Variants in SLC16A12 observed in about 807,000 individuals in gnomAD.
The protein encoded by SLC16A12 is solute carrier family 16 member 12.
SLC16A12 carries 17 observed loss-of-function variants against 42.4 expected under a neutral mutation model. The observed-to-expected ratio is 0.40, with a 90% CI of 0.27 to 0.60. The LOEUF (loss-of-function observed/expected upper bound fraction) is 0.60. SLC16A12 is among the 20% of genes least tolerant of loss of function. The probability of loss-of-function intolerance (pLI) is 0.42; values close to 1 mark genes in which losing one functional copy is unlikely to be tolerated. For synonymous variants in SLC16A12, 224 were observed against 229.4 expected (o/e 0.98, Z 0.21); for missense variants, 544 against 623.0 (o/e 0.87, Z 1.35).
chr10:89,514,377 A>G lies in SLC16A12; in HGVS notation c.-47+20124T>C, dbSNP rs572792683. On this transcript the variant is annotated intron_variant, in intron 2 of 7. Coordinates refer to ENST00000371790, the MANE Select transcript of SLC16A12 (RefSeq NM_213606.4). ...TGTGTATGTCTTAGCTCAGGCTGCT[A>G]TAACAAAATACCATAGGCTGGTGGC... 1.2e-4 allele frequency among the ~76,000 whole-genome samples: 19 copies of G among 152,360 alleles called. No homozygotes were observed. In the South Asian group the frequency reaches 3.9e-3, roughly 32 times the overall value.
rs747166250 is a variant in SLC16A12, at chr10:89,462,374, C to T, written c.200+5G>A. The T allele has an allele frequency of 3.7e-6, 6 of 1,613,854 alleles. No homozygotes were observed. In the African/African-American group the frequency reaches 8.0e-5, roughly 22 times the overall value. The stretch of plus-strand genomic sequence containing the variant: ...TTAATAAGTTAAGAAGAAAATCCTA[C>T]CTACCTTGTGACTGCCCGTGTGCAG... On this transcript the variant is annotated splice_donor_5th_base_variant and intron_variant, in intron 3 of 7. Coordinates refer to ENST00000371790, the MANE Select transcript of SLC16A12 (RefSeq NM_213606.4).
At chr10:89,433,875 T>C (rs1286917415) in intron 7 of SLC16A12, among the ~76,000 whole-genome samples, 1 of 152,204 alleles carries the variant, frequency 6.6e-6, no homozygotes. Context: ...CTTTATCTCT[T>C]GTTGCAACAA....
intron 2 of SLC16A12, among the ~76,000 whole-genome samples, chr10:89,474,755 C>A (rs1461232081): frequency 1.3e-5 from 2 of 152,194 alleles, no homozygotes; most frequent in Non-Finnish European, 2.9e-5. Context: ...TTTAGGGGCA[C>A]TGAATCCACC....
At position 89,438,890 on chromosome 10, in the gene SLC16A12, C is replaced by A; in HGVS notation, c.742G>T (p.Asp248Tyr). 1 of 1,613,556 alleles carries A rather than the reference C, an allele frequency of 6.2e-7. No individual in the cohort carries two copies. The highest frequency in any genetic ancestry group is 8.5e-7 in the Non-Finnish European group (1 of 1,179,812). The change falls in exon 6 of 8, where the codon GAC becomes TAC. Residue 248 changes from aspartate (D) to tyrosine (Y), a missense_variant. Physicochemically the swap from Asp to Tyr is radical, Grantham distance 160. Transcript: ENST00000371790. ...GAATAGGGAGACACCCGCTTAATGT[C>A]TTCTTTCTGAGTTCTACACACATGG... ...QNHVCRTQKE[D>Y]IKRVSPYSSL...
chr10:89,516,277 G>A (rs958835724), intron 2 of SLC16A12, among the ~76,000 whole-genome samples: 13 of 152,132 alleles, frequency 8.5e-5, no homozygotes, highest in South Asian at 6.2e-4. Flanking sequence ...GAGCCCTGAC[G>A]TGTCCTCTCT....
chr10:89,519,848 C>T (rs1185979964), intron 2 of SLC16A12, among the ~76,000 whole-genome samples: 2 of 152,154 alleles, frequency 1.3e-5, no homozygotes, highest in African/African-American at 4.8e-5. Flanking sequence ...GGTGCGGTGG[C>T]TCATGCCTGT....
intron 2 of SLC16A12, among the ~76,000 whole-genome samples, chr10:89,482,953 T>G (rs1266652424): frequency 6.6e-6 from 1 of 152,180 alleles, no homozygotes; most frequent in Non-Finnish European, 1.5e-5. Flanking sequence ...GAATCTGTAT[T>G]AGTCTACTCC....
intron 5 of SLC16A12, 118 bp from the exon 6 acceptor site, chr10:89,439,301 C>A (rs1040467790): frequency 8.1e-6 from 8 of 993,410 alleles, no homozygotes; most frequent in South Asian, 1.7e-5. Flanking sequence ...TTTAAAGCTG[C>A]TTTTTACACC....
At chr10:89,492,384 G>A (rs1275376170) in intron 2 of SLC16A12, among the ~76,000 whole-genome samples, 3 of 151,860 alleles carry the variant, frequency 2.0e-5, no homozygotes, top group Admixed American at 6.6e-5. Context: ...AGTTTTTTAG[G>A]AACAAGAATG....
intron 2 of SLC16A12, among the ~76,000 whole-genome samples, chr10:89,484,656 G>A (rs1842720459): frequency 6.6e-6 from 1 of 152,180 alleles, no homozygotes; most frequent in Non-Finnish European, 1.5e-5. Context: ...CCTAGACAGT[G>A]TAGCTCCGAA....
chr10:89,492,012 A>C (rs935803051), intron 2 of SLC16A12, among the ~76,000 whole-genome samples: 1 of 152,254 alleles, frequency 6.6e-6, no homozygotes, highest in Non-Finnish European at 1.5e-5. Flanking sequence ...TAAATAGATT[A>C]TGGAAAAGTT....
chr10:89,541,820 A>G (rs1843717494), intron 2 of SLC16A12, among the ~76,000 whole-genome samples: 1 of 152,160 alleles, frequency 6.6e-6, no homozygotes, highest in East Asian at 1.9e-4. Flanking sequence ...ATATTGCCAA[A>G]TATTTCCACT....
chr10:89,433,443 C>T, intron 7 of SLC16A12, 117 bp from the exon 8 acceptor site: 2 of 1,087,200 alleles, frequency 1.8e-6, no homozygotes, highest in Admixed American at 2.2e-5. Context: ...CCAATTGTAA[C>T]TTTGAAACAA....
chr10:89,525,119 G>T (rs1843427522), intron 2 of SLC16A12, among the ~76,000 whole-genome samples: 1 of 151,728 alleles, frequency 6.6e-6, no homozygotes, highest in Non-Finnish European at 1.5e-5. Context: ...TACTCAGGAG[G>T]CTGAGGCAGG....
intron 2 of SLC16A12, among the ~76,000 whole-genome samples, chr10:89,552,036 A>G (rs985296107): frequency 2.0e-5 from 3 of 152,132 alleles, no homozygotes; most frequent in Non-Finnish European, 4.4e-5. Context: ...CCCAGGTTCA[A>G]GTGATTCTCC....
At chr10:89,453,243 A>G (rs1842124623) in intron 3 of SLC16A12, among the ~76,000 whole-genome samples, 1 of 152,238 alleles carries the variant, frequency 6.6e-6, no homozygotes, top group African/African-American at 2.4e-5. Context: ...CAACAGTCAA[A>G]CTAGCTTTAA....
At chr10:89,471,229 C>T (rs1464094861) in intron 2 of SLC16A12, among the ~76,000 whole-genome samples, 1 of 152,124 alleles carries the variant, frequency 6.6e-6, no homozygotes, top group African/African-American at 2.4e-5. Flanking sequence ...TTTATCATCC[C>T]CAGACATTCC....
chr10:89,456,917 G>C (rs1842201873), intron 3 of SLC16A12, among the ~76,000 whole-genome samples: 1 of 152,032 alleles, frequency 6.6e-6, no homozygotes, highest in Non-Finnish European at 1.5e-5. Flanking sequence ...TATACATAGT[G>C]GTATATATGT....
chr10:89,542,182 A>G (rs1454671825), intron 2 of SLC16A12, among the ~76,000 whole-genome samples: 1 of 152,104 alleles, frequency 6.6e-6, no homozygotes, highest in Non-Finnish European at 1.5e-5. Context: ...GTAGAAGACT[A>G]TTTTTACAAA....
Sources: gnomAD v4.1 joint callset for allele counts (sites outside exome capture counted in the v4.1 genomes callset) on GRCh38, gnomAD v4.1.1 for gene constraint, MANE v1.5 for transcripts, NCBI Gene and HGNC (gene_info 2026-07-23, HGNC 2026-07-21) for gene names.